GUCY2F: variants seen among roughly 807,000 people sequenced by gnomAD.
GUCY2F encodes the protein guanylate cyclase 2F, retinal, also known as retinal guanylyl cyclase 2.
Under a neutral mutation model 73.1 loss-of-function variants are expected in GUCY2F, and 61 were observed. The observed-to-expected ratio is 0.83, with a 90% CI of 0.68 to 1.03. GUCY2F has a LOEUF of 1.03. GUCY2F is among the 50% of genes least tolerant of loss of function. The pLI is 0.00. For synonymous variants in GUCY2F, 331 were observed against 307.8 expected (o/e 1.08, Z -0.79); for missense variants, 912 against 854.3 (o/e 1.07, Z -0.84).
chrX:109,472,268 GA>G (rs780268734), intron 2 of GUCY2F, among the ~76,000 whole-genome samples: 1,358 of 89,899 alleles, frequency 0.015, 26 homozygotes, highest in African/African-American at 0.048. Flanking sequence ...AACAGATCAG[GA>G]AAAAAAAAAA....
intron 10 of GUCY2F, among the ~76,000 whole-genome samples, chrX:109,403,523 T>C (rs755626204): frequency 7.1e-4 from 80 of 112,080 alleles, no homozygotes; most frequent in African/African-American, 2.3e-3. Flanking sequence ...TTTTACCTAG[T>C]AGCTGATGAA....
At chrX:109,470,165 T>C (rs977184927) in intron 2 of GUCY2F, among the ~76,000 whole-genome samples, 5 of 112,120 alleles carry the variant, frequency 4.5e-5, no homozygotes, top group African/African-American at 1.6e-4. Context: ...TATTTCTCCA[T>C]ACCTTGAAAC....
intron 6 of GUCY2F, 77 bp from the exon 7 acceptor site, chrX:109,441,559 T>C: frequency 1.4e-6 from 1 of 705,783 alleles, no homozygotes; most frequent in East Asian, 3.6e-5. Flanking sequence ...AATTTTCTTT[T>C]TTATTCCTAA....
chrX:109,397,391 G>A (rs760735515), intron 11 of GUCY2F, among the ~76,000 whole-genome samples: 16 of 111,703 alleles, frequency 1.4e-4, no homozygotes, highest in African/African-American at 5.2e-4. Context: ...GTGGAACCCT[G>A]AGTGGGACAA....
chrX:109,448,906 C>T (rs1229518401), intron 5 of GUCY2F, among the ~76,000 whole-genome samples: 1 of 111,980 alleles, frequency 8.9e-6, no homozygotes, highest in South Asian at 3.7e-4. Context: ...TCTAAACATG[C>T]CCATTAATTT....
rs773203202 is a variant in GUCY2F at position 109,409,057 on chromosome X, G to C, written c.1903C>G (p.Leu635Val). 27 of 1,115,594 alleles carry C rather than the reference G, an allele frequency of 2.4e-5. No individual in the cohort carries two copies. In the South Asian group the frequency reaches 4.8e-4, roughly 20 times the overall value. 91.9% of individuals were successfully genotyped at this position (1,115,594 alleles called of 1,213,427 possible). The change falls in exon 9 of 20, where the codon CTG (leucine) becomes GTG (valine). Residue 635 changes from leucine (L) to valine (V), a missense_variant. Physicochemically the swap from Leu to Val is conservative, Grantham distance 32. Transcript: ENST00000218006. Reference sequence around the variant, plus strand: ...TCAAGTTTCACATCTTGATTTGTCAGTATGTCTTCTAGGCTCCCTCGGGAA... The same window carrying C: ...TCAAGTTTCACATCTTGATTTGTCACTATGTCTTCTAGGCTCCCTCGGGAA... ...FCSRGSLEDI[L>V]TNQDVKLDWM...
At chrX:109,427,834 T>G (rs1455854933) in intron 8 of GUCY2F, among the ~76,000 whole-genome samples, 1 of 111,840 alleles carries the variant, frequency 8.9e-6, no homozygotes, top group Non-Finnish European at 1.9e-5. Context: ...GGAAGGCAGT[T>G]TTTTCACTGT....
intron 8 of GUCY2F, among the ~76,000 whole-genome samples, chrX:109,416,242 A>T (rs1931237207): frequency 9.0e-6 from 1 of 111,530 alleles, no homozygotes; most frequent in South Asian, 3.7e-4. Context: ...AATGACACAA[A>T]TCTTGCAATT....
chrX:109,386,508 G>A (rs1432761176), intron 15 of GUCY2F, among the ~76,000 whole-genome samples: 3 of 111,965 alleles, frequency 2.7e-5, no homozygotes, highest in African/African-American at 9.7e-5. Context: ...CTGGAGACAA[G>A]GTTGGATTAA....
Position 109,382,138 on chromosome X carries a change from G to A in GUCY2F, c.3130C>T (p.Arg1044Ter), listed in dbSNP as rs77224668. The A allele has an allele frequency of 2.1e-5, 25 of 1,174,578 alleles. No homozygotes were observed. The highest frequency in any genetic ancestry group is 8.8e-5 in the African/African-American group (5 of 56,587). ...TATACCTTGAGCTCTGTTCTTCCTC[G>A]AAGCTCCACTTCATAGCCCTCACTC... Reference protein sequence around the residue: ...NLSEGYEVELRGRTELKGKGT... With the variant: ...NLSEGYEVEL The change falls in exon 17 of 20, where the codon CGA (arginine) becomes TGA (stop). Residue 1044 changes from arginine (R) to a stop codon, truncating the protein, a stop_gained. Coordinates refer to ENST00000218006, the MANE Select transcript of GUCY2F (RefSeq NM_001522.3). LOFTEE classifies it high-confidence loss of function.
chrX:109,477,453 G>GA (rs1447750759), intron 1 of GUCY2F, among the ~76,000 whole-genome samples: 1 of 111,490 alleles, frequency 9.0e-6, no homozygotes, highest in Non-Finnish European at 1.9e-5. Context: ...GAGGGCCTAG[G>GA]AAAAAAATAG....
At position 109,441,365 on chromosome X, in the gene GUCY2F, T is replaced by A. The variant is rs750320118; in HGVS notation, c.1687A>T (p.Ile563Leu). 2.6e-6 allele frequency: 3 copies of A among 1,149,115 alleles called. No homozygotes were observed. Among genetic ancestry groups the A allele is most frequent in the Middle Eastern group, 2.4e-4 (1 of 4,133 alleles). 94.7% of individuals were successfully genotyped at this position (1,149,115 alleles called of 1,213,427 possible). A position where few individuals can be genotyped will look rare whatever the true frequency, so the allele number is the denominator to read the frequency against. Residue 563 changes from isoleucine to leucine, a missense_variant, in exon 7 of 20, where the codon ATA becomes TTA. Coordinates refer to ENST00000218006, the MANE Select transcript of GUCY2F (RefSeq NM_001522.3). ...LTPATYENSN[I>L]AIYEGDWVWL... ...GAATATCTTACCTCATAAATCGCTA[T>A]GTTGGAGTTTTCATAGGTAGCTGGA...
intron 2 of GUCY2F, among the ~76,000 whole-genome samples, chrX:109,474,233 G>T (rs920059000): frequency 5.3e-5 from 6 of 112,241 alleles, no homozygotes; most frequent in African/African-American, 1.9e-4. Flanking sequence ...ATCCTTGAAG[G>T]AATCAGTTTG....
rs753597897 is a variant in GUCY2F at position 109,395,538 on chromosome X, C to T, written c.2276-49G>A. ...CGTTTACAAATCATGGAAAAAATGA[C>T]CAAGATTTGGCAAAGATAACTGACT... On this transcript the variant is annotated intron_variant, in intron 11 of 19. Coordinates refer to ENST00000218006, the MANE Select transcript of GUCY2F (RefSeq NM_001522.3). 7 of 1,098,175 alleles carry T rather than the reference C, an allele frequency of 6.4e-6. No individual in the cohort carries two copies. The Admixed American group carries it at 1.6e-4, about 26-fold the overall frequency. 90.5% of individuals were successfully genotyped at this position (1,098,175 alleles called of 1,213,427 possible).
At chrX:109,456,542 G>A (rs778016605) in intron 3 of GUCY2F, among the ~76,000 whole-genome samples, 1 of 111,431 alleles carries the variant, frequency 9.0e-6, no homozygotes, top group East Asian at 2.8e-4. Context: ...TGGCCAGGCT[G>A]TGCTGGTCTT....
At chrX:109,382,750 G>T (rs897596042) in intron 16 of GUCY2F, among the ~76,000 whole-genome samples, 2 of 112,323 alleles carry the variant, frequency 1.8e-5, no homozygotes, top group African/African-American at 6.5e-5. Context: ...TACATTTATA[G>T]CTGACGTTTG....
At chrX:109,426,200 A>T (rs1931482158) in intron 8 of GUCY2F, among the ~76,000 whole-genome samples, 1 of 112,098 alleles carries the variant, frequency 8.9e-6, no homozygotes, top group South Asian at 3.7e-4. Context: ...TAATAAGAAC[A>T]TGTTCAAATG....
chrX:109,416,294 A>G (rs1219917013), intron 8 of GUCY2F, among the ~76,000 whole-genome samples: 1 of 111,612 alleles, frequency 9.0e-6, no homozygotes, highest in East Asian at 2.8e-4. Flanking sequence ...AATATATTTG[A>G]AGATTTAAAG....
intron 3 of GUCY2F, among the ~76,000 whole-genome samples, chrX:109,457,242 T>C (rs1335754660): frequency 8.9e-6 from 1 of 112,153 alleles, no homozygotes; most frequent in Non-Finnish European, 1.9e-5. Flanking sequence ...GGAACAGTAA[T>C]ATATGAATTT....
Sources: allele counts gnomAD v4.1 joint callset (sites outside exome capture counted in the v4.1 genomes callset), GRCh38; gene constraint gnomAD v4.1.1; transcripts MANE v1.5; gene names NCBI Gene and HGNC (gene_info 2026-07-23, HGNC 2026-07-21).